Variants in COL28A1 observed in about 807,000 individuals in gnomAD.
COL28A1 encodes the protein collagen alpha-1(XXVIII) chain.
COL28A1 carries 161 observed loss-of-function variants against 150.2 expected under a neutral mutation model. That is an observed-to-expected ratio of 1.07 (90% CI 0.94 to 1.22). The LOEUF is 1.22. Ranked by LOEUF, COL28A1 falls within the 50% of genes most tolerant of loss-of-function variation. The pLI is 0.00. For synonymous variants in COL28A1, 552 were observed against 469.7 expected, an observed-to-expected ratio of 1.18 and a Z score of -2.26; for missense variants, 1,617 against 1,388.3, an observed-to-expected ratio of 1.16 and a Z score of -2.62.
chr7:7,541,234 C>T, the COL28A1 span, among the ~76,000 whole-genome samples: 1 of 152,032 alleles, frequency 6.6e-6, no homozygotes, highest in Non-Finnish European at 1.5e-5. Flanking sequence ...CAGTTTGTTT[C>T]TCCTTCTGCC....
intron 27 of COL28A1, chr7:7,417,520 AGGG>A (rs1175505711): frequency 3.0e-5 from 4 of 135,452 alleles, no homozygotes; most frequent in Middle Eastern, 3.8e-3. Context: ...GGAAGGAGGG[AGGG>A]GGGAGGGAGG....
chr7:7,497,085 GGAAGGAAGA>G (rs1780253922), intron 11 of COL28A1, among the ~76,000 whole-genome samples: 1 of 133,258 alleles, frequency 7.5e-6, no homozygotes, highest in African/African-American at 3.0e-5. Context: ...AAGGAAGAAA[GGAAGGAAGA>G]AAGGAAGGAA....
intron 29 of COL28A1, 40 bp downstream of exon 29, chr7:7,380,738 CAGTT>C: frequency 1.9e-6 from 3 of 1,612,758 alleles, no homozygotes; most frequent in Non-Finnish European, 2.5e-6. Flanking sequence ...AGGTTGGAAC[CAGTT>C]AGAGTATAAA....
intron 8 of COL28A1, 87 bp downstream of exon 8, chr7:7,515,727 A>G (rs1781379291): frequency 2.6e-6 from 2 of 768,520 alleles, no homozygotes; most frequent in South Asian, 3.0e-5. Flanking sequence ...AATAAAGAAA[A>G]TAACTTTTAT....
chr7:7,401,869 G>A (rs1054558616), intron 27 of COL28A1, among the ~76,000 whole-genome samples: 7 of 152,062 alleles, frequency 4.6e-5, no homozygotes, highest in African/African-American at 4.8e-5. Flanking sequence ...TGTCACTGAC[G>A]TTCCTCAAAT....
Position 7,532,871 on chromosome 7 carries a change from C to T in COL28A1, c.5G>A (p.Trp2Ter). 1 of 1,608,010 alleles carries T rather than the reference C, an allele frequency of 6.2e-7. No individual in the cohort carries two copies. The highest frequency in any genetic ancestry group is 1.1e-5 in the South Asian group (1 of 89,308). ...GAGATAGAAGACAAAATATCTGTTCCACATTATGGTAGATGGTGAAAAATC... is the reference window on the plus strand; with the variant it reads ...GAGATAGAAGACAAAATATCTGTTCTACATTATGGTAGATGGTGAAAAATC... M[W>*]NRYFVFYLLL... Residue 2 changes from tryptophan to a stop codon, truncating the protein, a stop_gained, in exon 2 of 35, where the codon TGG (tryptophan) becomes TAG (stop). Transcript: ENST00000399429. LOFTEE classifies it high-confidence loss of function.
the COL28A1 span, among the ~76,000 whole-genome samples, chr7:7,347,396 T>C: frequency 6.6e-6 from 1 of 152,134 alleles, no homozygotes; most frequent in African/African-American, 2.4e-5. Flanking sequence ...GCTGTTCATA[T>C]TTTATTGCTA....
chr7:7,402,002 C>T (rs1783234989), intron 27 of COL28A1, among the ~76,000 whole-genome samples: 1 of 152,176 alleles, frequency 6.6e-6, no homozygotes, highest in East Asian at 1.9e-4. Context: ...GCCAGGAATG[C>T]AGAGTACAGA....
chr7:7,501,795 C>T (rs535760145), intron 11 of COL28A1, among the ~76,000 whole-genome samples: 2 of 152,302 alleles, frequency 1.3e-5, no homozygotes, highest in South Asian at 4.1e-4. Flanking sequence ...CAGAGCATAG[C>T]GCTGTCTCCT....
chr7:7,527,732 T>C (rs1387867270), intron 3 of COL28A1, among the ~76,000 whole-genome samples: 1 of 152,170 alleles, frequency 6.6e-6, no homozygotes, highest in Non-Finnish European at 1.5e-5. Flanking sequence ...GATTCATATA[T>C]ATGGCATATA....
rs1781185063 is a variant in COL28A1 at position 7,370,759 on chromosome 7, G to C, written c.3032C>G (p.Ser1011Cys). The change falls in exon 33 of 35, where the codon TCT becomes TGT. Residue 1011 changes from serine (S) to cysteine (C), a missense_variant. Transcript: ENST00000399429. ...AATTTCTTTTTGAGGCTCTGGAGTA[G>C]ATTCACTGAGTTCTTCCCCTGACAT... ...FGMSGEELSE[S>C]TPEPQKEISE... The C allele has an allele frequency of 6.2e-7, 1 of 1,613,508 alleles. No homozygotes were observed. Among genetic ancestry groups the C allele is most frequent in the South Asian group, 1.1e-5 (1 of 90,930 alleles).
chr7:7,341,507 C>T, the COL28A1 span, among the ~76,000 whole-genome samples: 5 of 151,982 alleles, frequency 3.3e-5, no homozygotes, highest in Non-Finnish European at 7.4e-5. Context: ...AACTTCTAGG[C>T]TCAAGTGATC....
chr7:7,520,030 C>T (rs1347617874), intron 6 of COL28A1, 32 bp downstream of exon 6: 2 of 1,043,344 alleles, frequency 1.9e-6, no homozygotes, highest in Non-Finnish European at 3.0e-6. Context: ...AGGAGATACG[C>T]TGGTTTAAAG....
In COL28A1 at chr7:7,401,715, CTTAT is replaced by C. The variant is rs975433090; in HGVS notation, c.2136+16140_2136+16143del. ...ACTTTGGCAATACATTTCTATCTTA[CTTAT>C]TTGTTTTTGTCCCCTTATAGCCCAT... is the stretch of plus-strand genomic sequence containing the variant. On this transcript the variant is annotated intron_variant, in intron 27 of 34. Transcript: ENST00000399429. Among the ~76,000 whole-genome samples, 472 of 151,706 alleles carry C rather than the reference CTTAT, an allele frequency of 3.1e-3. 4 individuals are homozygous for C. Among genetic ancestry groups the C allele is most frequent in the African/African-American group, 0.011 (443 of 41,190 alleles).
At position 7,373,651 on chromosome 7, in the gene COL28A1, C is replaced by G; in HGVS notation, c.2360-105G>C. ...TGATGAACCTGAGACCTAAACTATT[C>G]TCTTCCTTTTCTGTGATTGTGAAAA... is the stretch of plus-strand genomic sequence containing the variant. On this transcript the variant is annotated intron_variant, in intron 31 of 34. Coordinates refer to ENST00000399429, the MANE Select transcript of COL28A1 (RefSeq NM_001037763.3). This position sits in a 1 kb window ranked among gnomAD's most constrained non-coding sequence, Gnocchi z 4.1. The G allele has an allele frequency of 4.7e-6, 4 of 854,144 alleles. No individual in the cohort carries two copies. Among genetic ancestry groups the G allele is most frequent in the East Asian group, 4.9e-5 (2 of 40,476 alleles). 52.9% of individuals were successfully genotyped at this position (854,144 alleles called of 1,614,324 possible). A position where few individuals can be genotyped will look rare whatever the true frequency, so the allele number is the denominator to read the frequency against.
the COL28A1 span, among the ~76,000 whole-genome samples, chr7:7,345,058 G>T: frequency 6.6e-6 from 1 of 151,870 alleles, no homozygotes; most frequent in African/African-American, 2.4e-5. Context: ...TGTGTTGGCG[G>T]GGGTGGGGGG....
intron 27 of COL28A1, among the ~76,000 whole-genome samples, chr7:7,416,879 G>T (rs936327945): frequency 2.6e-5 from 4 of 152,084 alleles, no homozygotes; most frequent in Non-Finnish European, 5.9e-5. Flanking sequence ...GTCTCCTACT[G>T]ACTAAGAAGT....
Position 7,436,526 on chromosome 7 carries a change from C to CA in COL28A1, c.1792-64dup, listed in dbSNP as rs200842740. 251 of 866,962 alleles carry CA rather than the reference C, an allele frequency of 2.9e-4. 2 individuals carry two copies. Among genetic ancestry groups the CA allele is most frequent in the African/African-American group, 2.8e-3 (167 of 60,106 alleles). 53.7% of individuals were successfully genotyped at this position (866,962 alleles called of 1,614,324 possible). Reference sequence around the variant, plus strand: ...TGCGAGAAATCACAAGCACACATAGCAAAAAAAACCATTGGCCACTCTGTA... The same window carrying CA: ...TGCGAGAAATCACAAGCACACATAGCAAAAAAAAACCATTGGCCACTCTGTA... On this transcript the variant is annotated intron_variant, in intron 22 of 34. Coordinates refer to ENST00000399429, the MANE Select transcript of COL28A1 (RefSeq NM_001037763.3).
At chr7:7,407,521 T>A (rs141227206) in intron 27 of COL28A1, among the ~76,000 whole-genome samples, 1 of 152,172 alleles carries the variant, frequency 6.6e-6, no homozygotes, top group East Asian at 1.9e-4. Context: ...GGAGACTAAA[T>A]GACAGAGGAA....
Sources: allele counts gnomAD v4.1 joint callset (sites outside exome capture counted in the v4.1 genomes callset), GRCh38; gene constraint gnomAD v4.1.1; non-coding constraint Gnocchi (gnomAD v3.1); transcripts MANE v1.5; gene names NCBI Gene and HGNC (gene_info 2026-07-23, HGNC 2026-07-21).